The following JMY variants were observed in gnomAD, a reference collection of about 807,000 sequenced individuals.
The protein encoded by JMY is junction-mediating and -regulatory protein.
A neutral mutation model predicts 103.3 loss-of-function variants in JMY; 46 were observed. The observed-to-expected ratio is 0.45, with a 90% CI of 0.35 to 0.57. The LOEUF (loss-of-function observed/expected upper bound fraction) is 0.57, where lower values mean the gene tolerates loss of function less well. Among genes scored for constraint, JMY ranks in the 20% least tolerant of loss-of-function variants. The pLI is 0.00. For synonymous variants in JMY, 526 were observed against 489.3 expected, an observed-to-expected ratio of 1.07 and a Z score of -0.99; for missense variants, 1,238 against 1,255.2, an observed-to-expected ratio of 0.99 and a Z score of 0.21.
chr5:79,244,528 G>A (rs944944426), intron 1 of JMY, among the ~76,000 whole-genome samples: 5 of 152,112 alleles, frequency 3.3e-5, no homozygotes, highest in African/African-American at 9.7e-5. Context: ...AATTTTAATC[G>A]ATCTGTTAAC....
At position 79,325,220 on chromosome 5, in the gene JMY, T is replaced by C. The variant is rs1467402156; in HGVS notation, c.*3618T>C. The C allele has an allele frequency of 6.6e-6, 1 of 152,078 alleles. No homozygotes were observed. The highest frequency in any genetic ancestry group is 1.9e-4 in the East Asian group (1 of 5,194). 9.4% of individuals were successfully genotyped at this position (152,078 alleles called of 1,614,324 possible). ...AGCCTAGGCAAAGCTAAATACAAGG[T>C]TTTTGGGGTTTTCTTTTTTCAGCTT... On this transcript the variant is annotated 3_prime_UTR_variant, in exon 11 of 11. Transcript: ENST00000396137.
At chr5:79,239,789 G>T (rs961654398) in intron 1 of JMY, among the ~76,000 whole-genome samples, 4 of 147,986 alleles carry the variant, frequency 2.7e-5, no homozygotes, top group African/African-American at 1.0e-4. Context: ...GAGCCTGGGC[G>T]ACAGAGCGAG....
intron 10 of JMY, among the ~76,000 whole-genome samples, chr5:79,318,093 G>T (rs2131977): frequency 6.6e-6 from 1 of 151,798 alleles, no homozygotes; most frequent in East Asian, 1.9e-4. Context: ...GCTCCACCTC[G>T]TGGGTTCAAG....
chr5:79,276,071 A>G (rs1309008103), intron 1 of JMY, among the ~76,000 whole-genome samples: 4 of 152,190 alleles, frequency 2.6e-5, no homozygotes, highest in Admixed American at 2.6e-4. Context: ...ATGTATGCAT[A>G]TATAAATTAC....
intron 4 of JMY, among the ~76,000 whole-genome samples, chr5:79,293,917 T>C (rs555635050): frequency 6.6e-6 from 1 of 152,340 alleles, no homozygotes; most frequent in Non-Finnish European, 1.5e-5. Flanking sequence ...TTCAGTTCTA[T>C]ATTGTTAATC....
intron 3 of JMY, among the ~76,000 whole-genome samples, chr5:79,290,726 G>A (rs1028392207): frequency 1.3e-5 from 2 of 152,254 alleles, no homozygotes; most frequent in Non-Finnish European, 2.9e-5. Flanking sequence ...GGTGGCTCAC[G>A]CCTGTAATCC....
chr5:79,257,794 C>T (rs570610745), intron 1 of JMY, among the ~76,000 whole-genome samples: 1 of 151,726 alleles, frequency 6.6e-6, no homozygotes, highest in Admixed American at 6.6e-5. Flanking sequence ...CGGAGTCTTA[C>T]TCTTGTTGCC....
At chr5:79,284,476 C>T (rs1186026619) in intron 2 of JMY, 62 of 1,587,060 alleles carry the variant, frequency 3.9e-5, no homozygotes, top group Non-Finnish European at 8.6e-6. Flanking sequence ...TCTTCTGTAT[C>T]TGATTGTTGC....
chr5:79,285,637 A>T (rs1746247068), intron 2 of JMY, among the ~76,000 whole-genome samples: 1 of 151,780 alleles, frequency 6.6e-6, no homozygotes, highest in African/African-American at 2.4e-5. Context: ...ATTTGCTCTG[A>T]ATATAAAAAC....
chr5:79,288,665 A>G (rs1444701357), intron 2 of JMY, among the ~76,000 whole-genome samples: 3 of 148,186 alleles, frequency 2.0e-5, no homozygotes, highest in African/African-American at 5.0e-5. Context: ...ATGCTCACTC[A>G]TGACTTTTTT....
At chr5:79,303,521 G>A (rs1273977908) in intron 6 of JMY, among the ~76,000 whole-genome samples, 1 of 152,194 alleles carries the variant, frequency 6.6e-6, no homozygotes, top group Non-Finnish European at 1.5e-5. Context: ...CTTGGCTAGG[G>A]GTGAGAAAGC....
intron 4 of JMY, among the ~76,000 whole-genome samples, chr5:79,291,853 C>T (rs1009556378): frequency 2.0e-5 from 3 of 152,166 alleles, no homozygotes; most frequent in Admixed American, 1.3e-4. Context: ...GGCTTGAAAA[C>T]ACTGAGTACA....
intron 4 of JMY, among the ~76,000 whole-genome samples, chr5:79,298,401 T>C (rs1160086035): frequency 1.3e-5 from 2 of 152,204 alleles, no homozygotes; most frequent in Non-Finnish European, 2.9e-5. Flanking sequence ...TTTGCAGAGC[T>C]GGGCAAGAGC....
chr5:79,319,414 T>G (rs1338971107), intron 10 of JMY, among the ~76,000 whole-genome samples: 1 of 152,150 alleles, frequency 6.6e-6, no homozygotes, highest in Non-Finnish European at 1.5e-5. Context: ...AAGCAAACCA[T>G]AGACTAGTAT....
chr5:79,282,521 G>A (rs543281256), intron 2 of JMY, among the ~76,000 whole-genome samples: 1 of 152,290 alleles, frequency 6.6e-6, no homozygotes, highest in East Asian at 1.9e-4. Flanking sequence ...AAAATGGGGT[G>A]ATCAGTGCCT....
intron 4 of JMY, among the ~76,000 whole-genome samples, chr5:79,297,382 C>T (rs1393310342): frequency 2.0e-5 from 3 of 152,098 alleles, no homozygotes; most frequent in Non-Finnish European, 1.5e-5. Flanking sequence ...CTGCACTGCT[C>T]CATTATCTGG....
intron 1 of JMY, among the ~76,000 whole-genome samples, chr5:79,273,199 A>G (rs1463595484): frequency 6.6e-6 from 1 of 152,178 alleles, no homozygotes; most frequent in Non-Finnish European, 1.5e-5. Flanking sequence ...CAATCTGAAC[A>G]CATTTTAAAG....
rs74989090 is a variant in JMY, at chr5:79,254,055, C to T, written c.1032+16373C>T. ...CTCCTCCTCCCAGGTTCAAATGATG[C>T]TCCTGCCTCAGCCTCCTGAGTAGCT... On this transcript the variant is annotated intron_variant, in intron 1 of 10. Coordinates refer to ENST00000396137, the MANE Select transcript of JMY (RefSeq NM_152405.5). Among the ~76,000 whole-genome samples, 1,726 of 151,248 alleles carry T rather than the reference C, an allele frequency of 0.011. 158 individuals are homozygous for T. In the East Asian group the frequency reaches 0.23, roughly 20 times the overall value.
At chr5:79,270,654 A>G (rs191957584) in intron 1 of JMY, among the ~76,000 whole-genome samples, 1,617 of 72,292 alleles carry the variant, frequency 0.022, 59 homozygotes, top group South Asian at 0.042. Context: ...TATATAAAAT[A>G]TATATTTACA....
Sources: gnomAD v4.1 joint callset for allele counts (sites outside exome capture counted in the v4.1 genomes callset) on GRCh38, gnomAD v4.1.1 for gene constraint, MANE v1.5 for transcripts, NCBI Gene and HGNC (gene_info 2026-07-23, HGNC 2026-07-21) for gene names.